Variants in EFR3B observed in about 807,000 individuals in gnomAD.
The protein encoded by EFR3B is protein EFR3 homolog B.
In EFR3B, 64 loss-of-function variants were observed where a neutral mutation model predicts 104.7. The observed-to-expected ratio is 0.61, with a 90% CI of 0.50 to 0.75. The LOEUF (loss-of-function observed/expected upper bound fraction) is 0.75. EFR3B is among the 30% of genes least tolerant of loss of function. The pLI, the probability that EFR3B is intolerant of heterozygous loss-of-function variation, is 0.00. For synonymous variants in EFR3B, 385 were observed against 417.9 expected, an observed-to-expected ratio of 0.92 and a Z score of 0.96; for missense variants, 750 against 1,078.5, an observed-to-expected ratio of 0.70 and a Z score of 4.27.
chr2:25,153,090 A>G (rs1573242862), intron 21 of EFR3B, among the ~76,000 whole-genome samples: 2 of 152,190 alleles, frequency 1.3e-5, no homozygotes, highest in Non-Finnish European at 1.5e-5. Flanking sequence ...ACAGTGGCTC[A>G]TGCCTGTACT....
Position 25,042,773 on chromosome 2 carries a change from G to T in EFR3B, c.7+454G>T, listed in dbSNP as rs1275680077. On this transcript the variant is annotated intron_variant, in intron 1 of 22. Coordinates refer to ENST00000403714, the MANE Select transcript of EFR3B (RefSeq NM_014971.2). This position sits in a 1 kb window ranked among gnomAD's most constrained non-coding sequence, Gnocchi z 5.4. Reference sequence around the variant, plus strand: ...GAAGGCGGGAGGCGGCGCCGGCGGCGCAGAGGCCCGGGGAGCAGCCAGTGG... The same window carrying T: ...GAAGGCGGGAGGCGGCGCCGGCGGCTCAGAGGCCCGGGGAGCAGCCAGTGG... 1.3e-5 allele frequency: 11 copies of T among 869,878 alleles called. No homozygotes were observed. Among genetic ancestry groups the T allele is most frequent in the African/African-American group, 1.8e-5 (1 of 55,200 alleles). The allele number at this position is 869,878 out of a possible 1,614,324, so 53.9% of individuals were successfully genotyped here.
At chr2:25,132,078 C>A (rs1308021611) in intron 10 of EFR3B, among the ~76,000 whole-genome samples, 167 bp downstream of exon 10, 7 of 151,498 alleles carry the variant, frequency 4.6e-5, no homozygotes, top group African/African-American at 1.7e-4. Context: ...CGGGGGCGGC[C>A]CGGGGATGGG....
At chr2:25,085,068 C>T (rs1000646454) in intron 1 of EFR3B, among the ~76,000 whole-genome samples, 1 of 152,202 alleles carries the variant, frequency 6.6e-6, no homozygotes, top group Admixed American at 6.5e-5. Flanking sequence ...CACCTACTGT[C>T]TTTTTCACTG....
chr2:25,092,667 G>A (rs1260653002), intron 2 of EFR3B, among the ~76,000 whole-genome samples: 4 of 151,632 alleles, frequency 2.6e-5, no homozygotes, highest in Non-Finnish European at 4.4e-5. Flanking sequence ...TCCTGCCTCA[G>A]CCTCCTGAGT....
chr2:25,059,134 A>G (rs1668109268), intron 1 of EFR3B, among the ~76,000 whole-genome samples: 1 of 145,216 alleles, frequency 6.9e-6, no homozygotes, highest in Non-Finnish European at 1.5e-5. Context: ...TTTTTTTGAG[A>G]TGGAGTCTCG....
chr2:25,104,549 A>G (rs1669511407), intron 4 of EFR3B, among the ~76,000 whole-genome samples: 1 of 152,240 alleles, frequency 6.6e-6, no homozygotes, highest in African/African-American at 2.4e-5. Flanking sequence ...CGATGGAAAC[A>G]GAGGCTTTCT....
chr2:25,093,176 T>C (rs10495751), intron 3 of EFR3B, 46 bp downstream of exon 3: 68,850 of 1,544,070 alleles, frequency 0.045, 5,027 homozygotes, highest in African/African-American at 0.34. Flanking sequence ...GGAACTATAT[T>C]GTTAGGCTAA....
intron 1 of EFR3B, among the ~76,000 whole-genome samples, chr2:25,047,221 G>A (rs1048490488): frequency 6.6e-5 from 10 of 151,982 alleles, no homozygotes; most frequent in African/African-American, 1.5e-4. Flanking sequence ...ATCAATTACC[G>A]CTCTGGTTTT....
At chr2:25,100,413 T>A (rs1669399093) in intron 3 of EFR3B, among the ~76,000 whole-genome samples, 1 of 152,216 alleles carries the variant, frequency 6.6e-6, no homozygotes, top group Non-Finnish European at 1.5e-5. Context: ...CTTTTGCTAC[T>A]TTATTTTGAC....
intron 4 of EFR3B, among the ~76,000 whole-genome samples, chr2:25,105,942 T>C (rs1317685428): frequency 1.3e-5 from 2 of 152,178 alleles, no homozygotes; most frequent in African/African-American, 4.8e-5. Flanking sequence ...CTGCAGACAA[T>C]GAAGATGATA....
chr2:25,052,512 T>C (rs1473301934), intron 1 of EFR3B, among the ~76,000 whole-genome samples: 1 of 147,966 alleles, frequency 6.8e-6, no homozygotes, highest in East Asian at 2.0e-4. Context: ...TTTTTTTTTT[T>C]TTTTTTTGAG....
At chr2:25,051,634 TGTG>T (rs778797908) in intron 1 of EFR3B, among the ~76,000 whole-genome samples, 7 of 98,070 alleles carry the variant, frequency 7.1e-5, no homozygotes, top group South Asian at 3.6e-4. Context: ...TGTGTGTGTG[TGTG>T]TTTTTTTTTT....
chr2:25,149,619 A>C, intron 19 of EFR3B, 75 bp from the exon 20 acceptor site: 6 of 1,441,424 alleles, frequency 4.2e-6, no homozygotes, highest in Non-Finnish European at 5.7e-6. Context: ...GGGCTGCCAG[A>C]GAGCTGGGGG....
At chr2:25,144,716 T>C (rs1388579878) in intron 18 of EFR3B, among the ~76,000 whole-genome samples, 1 of 152,216 alleles carries the variant, frequency 6.6e-6, no homozygotes, top group East Asian at 1.9e-4. Context: ...GCACCTTCTT[T>C]GTGTTCTCGT....
chr2:25,085,666 T>C (rs900263951), intron 1 of EFR3B, among the ~76,000 whole-genome samples: 2 of 151,946 alleles, frequency 1.3e-5, no homozygotes, highest in Non-Finnish European at 2.9e-5. Context: ...GATTTCACCA[T>C]GTTGGCCAGG....
chr2:25,156,296 T>G lies in EFR3B; in HGVS notation c.*1956T>G, dbSNP rs1371612376. On this transcript the variant is annotated 3_prime_UTR_variant, in exon 23 of 23. Coordinates refer to ENST00000403714, the MANE Select transcript of EFR3B (RefSeq NM_014971.2). ...CACACAGCTTCTTTTTCTTGTTTTT[T>G]TTTTTTTTTTTTTTTTTTTGAGACA... The G allele has an allele frequency of 7.4e-6, 1 of 135,160 alleles. No individual in the cohort carries two copies. The highest frequency in any genetic ancestry group is 2.6e-4 in the South Asian group (1 of 3,830). 8.4% of individuals were successfully genotyped at this position (135,160 alleles called of 1,614,324 possible).
At chr2:25,120,600 C>T (rs6545954) in intron 4 of EFR3B, among the ~76,000 whole-genome samples, 49,427 of 151,552 alleles carry the variant, frequency 0.33, 8,846 homozygotes, top group East Asian at 0.53. Flanking sequence ...GCTGAGATCG[C>T]GCCACTGCAC....
intron 4 of EFR3B, among the ~76,000 whole-genome samples, chr2:25,120,068 A>C (rs1256883367): frequency 6.6e-6 from 1 of 152,184 alleles, no homozygotes; most frequent in African/African-American, 2.4e-5. Context: ...CAAATAAGCT[A>C]TAAAGGCTGG....
At chr2:25,056,560 C>T (rs1668029067) in intron 1 of EFR3B, among the ~76,000 whole-genome samples, 2 of 151,410 alleles carry the variant, frequency 1.3e-5, no homozygotes, top group Admixed American at 6.6e-5. Flanking sequence ...ACTAAGCAGC[C>T]TTGTGCACCT....
Sources: allele counts gnomAD v4.1 joint callset (sites outside exome capture counted in the v4.1 genomes callset), GRCh38; gene constraint gnomAD v4.1.1; non-coding constraint Gnocchi (gnomAD v3.1); transcripts MANE v1.5; gene names NCBI Gene and HGNC (gene_info 2026-07-23, HGNC 2026-07-21).